MMP16: variants seen among roughly 807,000 people sequenced by gnomAD.
MMP16 encodes the protein matrix metallopeptidase 16.
Under a neutral mutation model 67.8 loss-of-function variants are expected in MMP16, and 12 were observed. The ratio of observed to expected loss-of-function variants is 0.18; its 90% CI spans 0.11 to 0.29. The LOEUF is 0.29. Ranked by LOEUF, MMP16 falls within the 10% of genes least tolerant of loss-of-function variation. MMP16 has a pLI of 1.00. For missense variants in MMP16, 475 were observed against 765.7 expected (o/e 0.62, Z 4.48); for synonymous variants, 249 against 255.9 (o/e 0.97, Z 0.26).
intron 4 of MMP16, among the ~76,000 whole-genome samples, chr8:88,133,347 T>C (rs1808065035): frequency 6.6e-6 from 1 of 151,860 alleles, no homozygotes; most frequent in African/African-American, 2.4e-5. Flanking sequence ...CTCAGAACTG[T>C]TCTCCCAATA....
Position 88,301,921 on chromosome 8 carries a change from G to A in MMP16, c.132+25154C>T, listed in dbSNP as rs28986471. Among the ~76,000 whole-genome samples the A allele has an allele frequency of 2.4e-3, 360 of 152,300 alleles. 1 individual carries two copies. The highest frequency in any genetic ancestry group is 8.4e-3 in the African/African-American group (348 of 41,574). ...AAGGTTATTTTTATCAACAGTGAGA[G>A]ATAATCCACATAATAAAATAACATT... On this transcript the variant is annotated intron_variant, in intron 1 of 9. Transcript: ENST00000286614.
intron 7 of MMP16, among the ~76,000 whole-genome samples, chr8:88,070,159 G>A (rs1235484015): frequency 6.6e-6 from 1 of 151,878 alleles, no homozygotes; most frequent in Admixed American, 6.6e-5. Context: ...AAACATCTTT[G>A]TCTTGTTCCT....
At chr8:88,108,922 T>C (rs952616234) in intron 6 of MMP16, among the ~76,000 whole-genome samples, 1 of 151,310 alleles carries the variant, frequency 6.6e-6, no homozygotes, top group African/African-American at 2.4e-5. Flanking sequence ...GTAAAGTCTG[T>C]TGTTGCTTTT....
At chr8:88,184,224 A>C (rs1809030563) in intron 3 of MMP16, among the ~76,000 whole-genome samples, 1 of 151,920 alleles carries the variant, frequency 6.6e-6, no homozygotes, top group African/African-American at 2.4e-5. Context: ...ATGCCTACTA[A>C]ATTTCCTAAT....
chr8:88,189,474 T>G (rs1453294533), intron 2 of MMP16, among the ~76,000 whole-genome samples: 2 of 152,142 alleles, frequency 1.3e-5, no homozygotes, highest in Non-Finnish European at 2.9e-5. Context: ...AATCACAGTC[T>G]AGTCTCTTCT....
rs142408880 is a variant in MMP16, at chr8:88,184,215, T to A, written c.404+2261A>T. Among the ~76,000 whole-genome samples, 23 of 152,310 alleles carry A rather than the reference T, an allele frequency of 1.5e-4. 2 individuals carry two copies. Among genetic ancestry groups the A allele is most frequent in the Middle Eastern group, 3.4e-3 (1 of 292 alleles). ...TCTCTACTTGACCTACATGCTCACA[T>A]GCCTACTAAATTTCCTAATTTTCCT... is the stretch of plus-strand genomic sequence containing the variant. On this transcript the variant is annotated intron_variant, in intron 3 of 9. Transcript: ENST00000286614.
chr8:88,189,695 C>A (rs559039576), intron 2 of MMP16, among the ~76,000 whole-genome samples: 1 of 152,304 alleles, frequency 6.6e-6, no homozygotes, highest in East Asian at 1.9e-4. Context: ...CCTACAGAAC[C>A]AAACCTCTTC....
At chr8:88,225,924 G>T (rs1809762190) in intron 1 of MMP16, among the ~76,000 whole-genome samples, 1 of 151,896 alleles carries the variant, frequency 6.6e-6, no homozygotes, top group African/African-American at 2.4e-5. Flanking sequence ...GTGTGTCTGT[G>T]TGTGAATGTA....
At chr8:88,060,658 C>T (rs370342319) in intron 7 of MMP16, among the ~76,000 whole-genome samples, 40 of 152,020 alleles carry the variant, frequency 2.6e-4, no homozygotes, top group South Asian at 8.3e-4. Context: ...GCCAAATTAC[C>T]GGCATTTACC....
chr8:88,263,118 T>C (rs1377472378), intron 1 of MMP16, among the ~76,000 whole-genome samples: 1 of 152,128 alleles, frequency 6.6e-6, no homozygotes, highest in South Asian at 2.1e-4. Flanking sequence ...CACATTTCTA[T>C]ATAAATTTAT....
intron 1 of MMP16, among the ~76,000 whole-genome samples, chr8:88,219,192 A>G (rs1771802251): frequency 1.3e-5 from 2 of 152,066 alleles, no homozygotes; most frequent in Admixed American, 1.3e-4. Context: ...CAAATTAGCG[A>G]CAGAATAGCC....
intron 1 of MMP16, among the ~76,000 whole-genome samples, chr8:88,248,625 C>CA (rs1810157509): frequency 6.6e-6 from 1 of 151,920 alleles, no homozygotes; most frequent in Non-Finnish European, 1.5e-5. Context: ...CTAGTGCCTC[C>CA]AGTACTACTT....
At chr8:88,294,304 ATATATG>A (rs1418394163) in intron 1 of MMP16, among the ~76,000 whole-genome samples, 2 of 150,950 alleles carry the variant, frequency 1.3e-5, no homozygotes, top group African/African-American at 2.4e-5. Flanking sequence ...GTATATATGT[ATATATG>A]TATATGTCTA....
At chr8:88,232,067 G>A (rs1007985169) in intron 1 of MMP16, among the ~76,000 whole-genome samples, 1 of 152,078 alleles carries the variant, frequency 6.6e-6, no homozygotes, top group Non-Finnish European at 1.5e-5. Context: ...GGAGGCAATC[G>A]AGAGGTTATC....
chr8:88,153,541 G>A (rs1245069939), intron 4 of MMP16, among the ~76,000 whole-genome samples: 1 of 152,088 alleles, frequency 6.6e-6, no homozygotes. Context: ...GAACAGAACA[G>A]AGCCCTCAGA....
At chr8:88,172,113 C>T (rs568697924) in intron 3 of MMP16, among the ~76,000 whole-genome samples, 24 of 152,140 alleles carry the variant, frequency 1.6e-4, no homozygotes, top group African/African-American at 4.1e-4. Context: ...CCACCGTGCC[C>T]GGCCATATGA....
Position 88,111,072 on chromosome 8 carries a change from C to T in MMP16, c.1083+5435G>A, listed in dbSNP as rs137868975. ...GGAGCATACAGCAAATGGGATCTGACTCGAAGTCTATCTTTAATGTCAAAG... is the reference window on the plus strand; with the variant it reads ...GGAGCATACAGCAAATGGGATCTGATTCGAAGTCTATCTTTAATGTCAAAG... On this transcript the variant is annotated intron_variant, in intron 6 of 9. Transcript: ENST00000286614. Among the ~76,000 whole-genome samples, 125 of 151,678 alleles carry T rather than the reference C, an allele frequency of 8.2e-4. 1 individual carries two copies. Among genetic ancestry groups the T allele is most frequent in the African/African-American group, 3.0e-3 (124 of 41,490 alleles).
intron 1 of MMP16, among the ~76,000 whole-genome samples, chr8:88,247,060 ATAAC>A: frequency 6.6e-6 from 1 of 152,282 alleles, no homozygotes; most frequent in East Asian, 1.9e-4. Context: ...GGAAATAAGA[ATAAC>A]TAACTAATGA....
chr8:88,071,338 A>G (rs1437132440), intron 7 of MMP16, among the ~76,000 whole-genome samples: 1 of 152,150 alleles, frequency 6.6e-6, no homozygotes, highest in Non-Finnish European at 1.5e-5. Context: ...CAAGGTTAAT[A>G]CCTTTAGGTA....
Sources: allele counts gnomAD v4.1 joint callset (sites outside exome capture counted in the v4.1 genomes callset), GRCh38; gene constraint gnomAD v4.1.1; transcripts MANE v1.5; gene names NCBI Gene and HGNC (gene_info 2026-07-23, HGNC 2026-07-21).